Variants in NEUROD4 observed in about 807,000 individuals in gnomAD.
NEUROD4 encodes the protein neurogenic differentiation factor 4.
In NEUROD4, 16 loss-of-function variants were observed where a neutral mutation model predicts 19.8. The observed-to-expected ratio is 0.81, with a 90% CI of 0.55 to 1.23. NEUROD4 has a LOEUF of 1.23. NEUROD4 is among the 50% of genes most tolerant of loss of function. The probability of loss-of-function intolerance (pLI) is 0.00; values close to 1 mark genes in which losing one functional copy is unlikely to be tolerated. For missense variants in NEUROD4, 439 were observed against 398.6 expected (o/e 1.10, Z -0.86); for synonymous variants, 153 against 147.9 (o/e 1.03, Z -0.25).
rs1376475165 is a variant in NEUROD4, at chr12:55,028,594, C to T, written c.*1159C>T. ...CCAATATATTTTCCAGAAGCACAAG[C>T]ACCAATCAATTTATTGATCAAGGTT... On this transcript the variant is annotated 3_prime_UTR_variant, in exon 2 of 2. Coordinates refer to ENST00000242994, the MANE Select transcript of NEUROD4 (RefSeq NM_021191.3). The T allele has an allele frequency of 6.0e-6, 1 of 167,036 alleles. No individual in the cohort carries two copies. The highest frequency in any genetic ancestry group is 1.5e-5 in the Non-Finnish European group (1 of 68,130). 10.3% of individuals were successfully genotyped at this position (167,036 alleles called of 1,614,324 possible). A position where few individuals can be genotyped will look rare whatever the true frequency, so the allele number is the denominator to read the frequency against.
chr12:55,022,649 T>A, intron 1 of NEUROD4, among the ~76,000 whole-genome samples: 1 of 152,140 alleles, frequency 6.6e-6, no homozygotes, highest in East Asian at 1.9e-4. Flanking sequence ...TCAAGCTAAC[T>A]GTTTTCTCCC....
At chr12:55,024,560 G>A (rs1162265524) in intron 1 of NEUROD4, among the ~76,000 whole-genome samples, 1 of 152,142 alleles carries the variant, frequency 6.6e-6, no homozygotes, top group Non-Finnish European at 1.5e-5. Context: ...CATCCTTTTT[G>A]GCCTTAGAGT....
rs754687800 is a variant in NEUROD4 at position 55,026,503 on chromosome 12, G to A, written c.64G>A (p.Asp22Asn). The A allele has an allele frequency of 3.1e-6, 5 of 1,613,900 alleles. No homozygotes were observed. Among genetic ancestry groups the A allele is most frequent in the East Asian group, 2.2e-5 (1 of 44,888 alleles). ...GELVNTPSWM[D>N]KGLGSQNEVK... ...GCTAGTCAACACACCATCCTGGATG[G>A]ATAAAGGTCTGGGCTCCCAAAATGA... is the stretch of plus-strand genomic sequence containing the variant. The change falls in exon 2 of 2, where the codon GAT (aspartate) becomes AAT (asparagine). Residue 22 changes from aspartate (D) to asparagine (N), a missense_variant. Transcript: ENST00000242994.
Position 55,026,436 on chromosome 12 carries a change from G to C in NEUROD4, c.-4G>C, listed in dbSNP as rs753617553. On this transcript the variant is annotated 5_prime_UTR_variant, in exon 2 of 2. Coordinates refer to ENST00000242994, the MANE Select transcript of NEUROD4 (RefSeq NM_021191.3). ...TTGATATTTCCCTTTTCCAGAGTCTGGAAATGTCAAAAACTTTTGTAAAAT... is the reference window on the plus strand; with the variant it reads ...TTGATATTTCCCTTTTCCAGAGTCTCGAAATGTCAAAAACTTTTGTAAAAT... 1 of 1,599,052 alleles carries C rather than the reference G, an allele frequency of 6.3e-7. No homozygotes were observed. The highest frequency in any genetic ancestry group is 1.1e-5 in the South Asian group (1 of 87,672).
chr12:55,029,283 A>G lies in NEUROD4; in HGVS notation c.*1848A>G, dbSNP rs1418125791. 1 of 166,884 alleles carries G rather than the reference A, an allele frequency of 6.0e-6. No homozygotes were observed. The highest frequency in any genetic ancestry group is 1.5e-5 in the Non-Finnish European group (1 of 68,110). The allele number at this position is 166,884 out of a possible 1,614,324, so 10.3% of individuals were successfully genotyped here. On this transcript the variant is annotated 3_prime_UTR_variant, in exon 2 of 2. Coordinates refer to ENST00000242994, the MANE Select transcript of NEUROD4 (RefSeq NM_021191.3). ...GCCTTGCAGAGAGATCTTAAGCCCC[A>G]TCAGTCACCAAAGTGGTTCCCTTCA...
rs1952743266 is a variant in NEUROD4 at position 55,027,145 on chromosome 12, T to C, written c.706T>C (p.Ser236Pro). The C allele has an allele frequency of 1.2e-6, 2 of 1,614,098 alleles. No homozygotes were observed. Among genetic ancestry groups the C allele is most frequent in the South Asian group, 1.1e-5 (1 of 91,086 alleles). ...AGTATTCAAGAGTTTGGGAGAATCG[T>C]CCTTTGGGAGCCATCTGCCTGACTG... The part of the protein sequence containing the change: ...PQVFKSLGES[S>P]FGSHLPDCST... The change falls in exon 2 of 2, where the codon TCC becomes CCC. Residue 236 changes from serine (S) to proline (P), a missense_variant. Transcript: ENST00000242994.
Position 55,026,894 on chromosome 12 carries a change from A to G in NEUROD4, c.455A>G (p.Lys152Arg), listed in dbSNP as rs576900577. Residue 152 changes from lysine to arginine, a missense_variant, in exon 2 of 2, where the codon AAA becomes AGA. Lys to Arg is a conservative substitution (Grantham distance 26). Transcript: ENST00000242994. Reference sequence around the variant, plus strand: ...GAGACTGGCCAGACACCTGAAGGGAAAGGCTTTGTGGAGATGCTGTGTAAA... The same window carrying G: ...GAGACTGGCCAGACACCTGAAGGGAGAGGCTTTGTGGAGATGCTGTGTAAA... Reference protein sequence around the residue: ...VLETGQTPEGKGFVEMLCKGL... With the variant: ...VLETGQTPEGRGFVEMLCKGL... 1 of 1,614,158 alleles carries G rather than the reference A, an allele frequency of 6.2e-7. No homozygotes were observed. The highest frequency in any genetic ancestry group is 1.1e-5 in the South Asian group (1 of 91,090).
intron 1 of NEUROD4, among the ~76,000 whole-genome samples, chr12:55,021,969 A>G (rs1255019076): frequency 6.6e-6 from 1 of 152,112 alleles, no homozygotes; most frequent in African/African-American, 2.4e-5. Context: ...CAACCTTAAG[A>G]TGGTATATCA....
intron 1 of NEUROD4, among the ~76,000 whole-genome samples, chr12:55,020,551 T>C (rs1048178296): frequency 6.6e-6 from 1 of 152,188 alleles, no homozygotes; most frequent in Non-Finnish European, 1.5e-5. Context: ...ACATAGACAC[T>C]CACAATCATT....
At position 55,028,066 on chromosome 12, in the gene NEUROD4, A is replaced by C. The variant is rs764745465; in HGVS notation, c.*631A>C. On this transcript the variant is annotated 3_prime_UTR_variant, in exon 2 of 2. Transcript: ENST00000242994. Reference sequence around the variant, plus strand: ...ATTGAAAAATAGCTTCTGGAAGCTAAAAGTCTAACATGGCTGTCACTGTGA... The same window carrying C: ...ATTGAAAAATAGCTTCTGGAAGCTACAAGTCTAACATGGCTGTCACTGTGA... 6.0e-6 allele frequency: 1 copy of C among 167,084 alleles called. No individual in the cohort carries two copies. The highest frequency in any genetic ancestry group is 1.5e-5 in the Non-Finnish European group (1 of 68,118). 10.4% of individuals were successfully genotyped at this position (167,084 alleles called of 1,614,324 possible). A position where few individuals can be genotyped will look rare whatever the true frequency, so the allele number is the denominator to read the frequency against.
rs1565597462 is a variant in NEUROD4, at chr12:55,027,287, AC to A, written c.851del (p.Pro284LeufsTer5). The A allele has an allele frequency of 3.1e-6, 5 of 1,613,722 alleles. No homozygotes were observed. Among genetic ancestry groups the A allele is most frequent in the Non-Finnish European group, 8.5e-7 (1 of 1,179,932 alleles). On this transcript the variant is annotated frameshift_variant, in exon 2 of 2. Transcript: ENST00000242994. LOFTEE classifies it high-confidence loss of function. ...LEKSYSFMPH[Y>X]PSSSLSSGHV... The stretch of plus-strand genomic sequence containing the variant: ...AAATCCTACAGCTTCATGCCACATT[AC>A]CCTTCTTCAAGTCTAAGCTCAGGGC...
At position 55,027,304 on chromosome 12, in the gene NEUROD4, A is replaced by C. The variant is rs755943497; in HGVS notation, c.865A>C (p.Ser289Arg). Residue 289 changes from serine (S) to arginine (R), a missense_variant, in exon 2 of 2, where the codon AGC becomes CGC. Ser to Arg is a moderately radical substitution (Grantham distance 110). Coordinates refer to ENST00000242994, the MANE Select transcript of NEUROD4 (RefSeq NM_021191.3). The stretch of plus-strand genomic sequence containing the variant: ...GCCACATTACCCTTCTTCAAGTCTA[A>C]GCTCAGGGCATGTGCATTCAACTCC... Reference protein sequence around the residue: ...FMPHYPSSSLSSGHVHSTPFQ... With the variant: ...FMPHYPSSSLRSGHVHSTPFQ... The C allele has an allele frequency of 5.6e-6, 9 of 1,614,094 alleles. No homozygotes were observed. Among genetic ancestry groups the C allele is most frequent in the Non-Finnish European group, 5.9e-6 (7 of 1,180,022 alleles).
chr12:55,021,938 T>C (rs1306139343), intron 1 of NEUROD4, among the ~76,000 whole-genome samples: 2 of 152,184 alleles, frequency 1.3e-5, no homozygotes, highest in South Asian at 2.1e-4. Flanking sequence ...TGTGAGCTAA[T>C]TTCTTTCCTA....
chr12:55,025,191 T>C (rs932178042), intron 1 of NEUROD4, among the ~76,000 whole-genome samples: 1 of 152,252 alleles, frequency 6.6e-6, no homozygotes, highest in African/African-American at 2.4e-5. Context: ...CAGAATTGAA[T>C]GCAAAATGTT....
intron 1 of NEUROD4, among the ~76,000 whole-genome samples, chr12:55,020,568 A>C (rs1386173300): frequency 6.6e-6 from 1 of 152,214 alleles, no homozygotes; most frequent in African/African-American, 2.4e-5. Flanking sequence ...CATTTTAATA[A>C]AGTGAAGAAT....
chr12:55,024,102 C>T (rs973592541), intron 1 of NEUROD4, among the ~76,000 whole-genome samples: 6 of 151,892 alleles, frequency 4.0e-5, no homozygotes, highest in African/African-American at 1.2e-4. Flanking sequence ...AGCCAGTGAT[C>T]ATAATGATAA....
rs1308415337 is a variant in NEUROD4 at position 55,027,928 on chromosome 12, T to C, written c.*493T>C. 5.9e-6 allele frequency: 1 copy of C among 168,560 alleles called. No homozygotes were observed. The highest frequency in any genetic ancestry group is 6.5e-5 in the Admixed American group (1 of 15,398). The allele number at this position is 168,560 out of a possible 1,614,324, so 10.4% of individuals were successfully genotyped here. On this transcript the variant is annotated 3_prime_UTR_variant, in exon 2 of 2. Coordinates refer to ENST00000242994, the MANE Select transcript of NEUROD4 (RefSeq NM_021191.3). ...GAATAGAGAAATAATAGGAAAGGGATGCTATGCATAGAATGATCAAATTGA... is the reference window on the plus strand; with the variant it reads ...GAATAGAGAAATAATAGGAAAGGGACGCTATGCATAGAATGATCAAATTGA...
chr12:55,027,499 GC>G lies in NEUROD4; in HGVS notation c.*65del. On this transcript the variant is annotated 3_prime_UTR_variant, in exon 2 of 2. Transcript: ENST00000242994. Reference sequence around the variant, plus strand: ...CATTTTCCATAATTCAAGTGGTTGAGCTAAAGATTCAATGACCTTAAAGGAT... The same window carrying G: ...CATTTTCCATAATTCAAGTGGTTGAGTAAAGATTCAATGACCTTAAAGGAT... 6.8e-7 allele frequency: 1 copy of G among 1,470,520 alleles called. No individual in the cohort carries two copies. The highest frequency in any genetic ancestry group is 2.3e-5 in the East Asian group (1 of 43,978). 91.1% of individuals were successfully genotyped at this position (1,470,520 alleles called of 1,614,324 possible). A position where few individuals can be genotyped will look rare whatever the true frequency, so the allele number is the denominator to read the frequency against.
intron 1 of NEUROD4, among the ~76,000 whole-genome samples, chr12:55,025,631 C>T (rs925196738): frequency 7.9e-5 from 12 of 152,326 alleles, no homozygotes; most frequent in Non-Finnish European, 1.5e-4. Context: ...ATAACTCACA[C>T]TAGACAGAAC....
Sources: allele counts gnomAD v4.1 joint callset (sites outside exome capture counted in the v4.1 genomes callset), GRCh38; gene constraint gnomAD v4.1.1; transcripts MANE v1.5; gene names NCBI Gene and HGNC (gene_info 2026-07-23, HGNC 2026-07-21).